NEBL: variants seen among roughly 807,000 people sequenced by gnomAD.
The protein encoded by NEBL is nebulette, also known as LIM and SH3 protein 2.
A neutral mutation model predicts 140.2 loss-of-function variants in NEBL; 122 were observed. That is an observed-to-expected ratio of 0.87 (90% CI 0.75 to 1.01). NEBL has a LOEUF of 1.01. Among genes scored for constraint, NEBL ranks in the 50% least tolerant of loss-of-function variants. The probability of loss-of-function intolerance (pLI) is 0.00; values close to 1 mark genes in which losing one functional copy is unlikely to be tolerated. For synonymous variants in NEBL, 436 were observed against 398.9 expected, an observed-to-expected ratio of 1.09 and a Z score of -1.11; for missense variants, 1,365 against 1,231.3, an observed-to-expected ratio of 1.11 and a Z score of -1.62.
chr10:21,139,736 T>G (rs1839524717), intron 2 of NEBL, among the ~76,000 whole-genome samples: 1 of 152,206 alleles, frequency 6.6e-6, no homozygotes, highest in African/African-American at 2.4e-5. Flanking sequence ...AGTGCACATT[T>G]GTCTTGGCAA....
intron 3 of NEBL, among the ~76,000 whole-genome samples, chr10:21,001,885 A>G (rs1837917501): frequency 6.6e-6 from 1 of 152,146 alleles, no homozygotes; most frequent in South Asian, 2.1e-4. Flanking sequence ...ACCACACCAT[A>G]TATAAGCAAA....
At chr10:20,865,197 G>A (rs1844148027) in intron 7 of NEBL, among the ~76,000 whole-genome samples, 1 of 152,084 alleles carries the variant, frequency 6.6e-6, no homozygotes, top group Non-Finnish European at 1.5e-5. Flanking sequence ...TCCACTCTGT[G>A]CATGAATTCA....
At chr10:20,870,222 A>G (rs2131243547) in intron 5 of NEBL, among the ~76,000 whole-genome samples, 1 of 149,586 alleles carries the variant, frequency 6.7e-6, no homozygotes, top group South Asian at 2.2e-4. Flanking sequence ...GCTACTCGGG[A>G]GGCTGAGGAA....
At chr10:21,072,681 A>G (rs1835873846) in intron 2 of NEBL, among the ~76,000 whole-genome samples, 1 of 152,218 alleles carries the variant, frequency 6.6e-6, no homozygotes, top group African/African-American at 2.4e-5. Flanking sequence ...TATTCAAGTG[A>G]CAGACTCAGT....
chr10:20,966,564 C>T (rs1173651265), intron 3 of NEBL, among the ~76,000 whole-genome samples: 1 of 152,176 alleles, frequency 6.6e-6, no homozygotes, highest in South Asian at 2.1e-4. Context: ...AAGTGTGCAC[C>T]CTTAGTGACA....
chr10:21,086,344 T>C (rs760193670), intron 2 of NEBL, among the ~76,000 whole-genome samples: 14 of 152,214 alleles, frequency 9.2e-5, no homozygotes, highest in Non-Finnish European at 1.8e-4. Flanking sequence ...TAAGACCCTA[T>C]AACTCAAACA....
intron 3 of NEBL, among the ~76,000 whole-genome samples, chr10:21,211,819 C>T (rs1031505686): frequency 2.0e-5 from 3 of 152,140 alleles, no homozygotes; most frequent in Non-Finnish European, 2.9e-5. Flanking sequence ...ATGATGGAAA[C>T]GGATCTGTCG....
At chr10:21,270,549 G>A (rs1364020004) in intron 1 of NEBL, among the ~76,000 whole-genome samples, 4 of 151,926 alleles carry the variant, frequency 2.6e-5, no homozygotes, top group South Asian at 4.2e-4. Context: ...TGCATTTTTA[G>A]TAGAGATGGG....
At chr10:20,916,826 G>A (rs948274018) in intron 4 of NEBL, among the ~76,000 whole-genome samples, 3 of 152,174 alleles carry the variant, frequency 2.0e-5, no homozygotes, top group Non-Finnish European at 4.4e-5. Flanking sequence ...TACCACTAGA[G>A]TGACACATTA....
At chr10:21,077,060 G>A (rs986077716) in intron 2 of NEBL, among the ~76,000 whole-genome samples, 7 of 152,018 alleles carry the variant, frequency 4.6e-5, no homozygotes, top group Non-Finnish European at 7.4e-5. Flanking sequence ...TTTATGTTAC[G>A]TATATCTTAC....
intron 1 of NEBL, among the ~76,000 whole-genome samples, chr10:21,272,188 A>G (rs944970248): frequency 1.5e-5 from 2 of 129,056 alleles, no homozygotes; most frequent in East Asian, 4.5e-4. Flanking sequence ...GATGGTCTCG[A>G]TCTCCTGACC....
rs926923964 is a variant in NEBL at position 20,808,457 on chromosome 10, G to A, written c.2761+53C>T. The stretch of plus-strand genomic sequence containing the variant: ...AAAAGAATTTTAAAGACACTCTTGT[G>A]ACACACTTAAAAAATGAATCGATTT... On this transcript the variant is annotated intron_variant, in intron 26 of 27. Transcript: ENST00000377122. 7 of 1,572,766 alleles carry A rather than the reference G, an allele frequency of 4.5e-6. No homozygotes were observed. In the African/African-American group the frequency reaches 6.8e-5, roughly 15 times the overall value.
intron 1 of NEBL, among the ~76,000 whole-genome samples, chr10:21,260,915 G>A (rs1042968085): frequency 6.6e-6 from 1 of 152,170 alleles, no homozygotes; most frequent in East Asian, 1.9e-4. Context: ...AGTCACAGGC[G>A]CTCTCGATAC....
chr10:21,263,052 T>C (rs1588576473), intron 1 of NEBL, among the ~76,000 whole-genome samples: 1 of 152,304 alleles, frequency 6.6e-6, no homozygotes, highest in Middle Eastern at 3.4e-3. Flanking sequence ...GGGTCTTTTG[T>C]GGATGCACAA....
chr10:21,164,268 C>T lies in NEBL; in HGVS notation c.164+8115G>A, dbSNP rs1352990505. 2.0e-5 allele frequency among the ~76,000 whole-genome samples: 3 copies of T among 152,166 alleles called. No homozygotes were observed. In the East Asian group the frequency reaches 5.8e-4, roughly 29 times the overall value. On this transcript the variant is annotated intron_variant, in intron 2 of 6. Coordinates refer to the NEBL transcript ENST00000417816. ...TATAAGAACTGAAACAGAACAGAAA[C>T]GTAATTGATTTCTCCTTCCTCTAGA...
At chr10:21,183,106 G>T (rs1841411239) in intron 3 of NEBL, among the ~76,000 whole-genome samples, 1 of 152,072 alleles carries the variant, frequency 6.6e-6, no homozygotes, top group Non-Finnish European at 1.5e-5. Context: ...AATCACACTA[G>T]GGGCCCCCCA....
At chr10:21,272,101 G>A (rs551067605) in intron 1 of NEBL, among the ~76,000 whole-genome samples, 4 of 136,608 alleles carry the variant, frequency 2.9e-5, no homozygotes, top group African/African-American at 1.1e-4. Flanking sequence ...ACAGGCACCC[G>A]CCACCACACT....
intron 1 of NEBL, among the ~76,000 whole-genome samples, chr10:21,272,197 C>A (rs1385673658): frequency 6.9e-6 from 1 of 145,118 alleles, no homozygotes; most frequent in African/African-American, 2.6e-5. Flanking sequence ...GATCTCCTGA[C>A]CTCGTTATCC....
intron 4 of NEBL, among the ~76,000 whole-genome samples, chr10:20,931,992 C>T (rs1467415839): frequency 6.6e-6 from 1 of 152,198 alleles, no homozygotes; most frequent in Non-Finnish European, 1.5e-5. Context: ...TAACTGGCCA[C>T]ACCACTCACC....
Sources: gnomAD v4.1 joint callset for allele counts (sites outside exome capture counted in the v4.1 genomes callset) on GRCh38, gnomAD v4.1.1 for gene constraint, MANE v1.5 for transcripts, NCBI Gene and HGNC (gene_info 2026-07-23, HGNC 2026-07-21) for gene names.